Variants in TP73 observed in about 807,000 individuals in gnomAD.
TP73 encodes tumor protein p73, also known as p53-like transcription factor.
Under a neutral mutation model 62.5 loss-of-function variants are expected in TP73, and 25 were observed. The observed-to-expected ratio is 0.40, with a 90% CI of 0.29 to 0.56. The LOEUF is 0.56. TP73 is among the 20% of genes least tolerant of loss of function. The pLI, the probability that TP73 is intolerant of heterozygous loss-of-function variation, is 0.46. For synonymous variants in TP73, 423 were observed against 377.5 expected (o/e 1.12, Z -1.40); for missense variants, 754 against 913.3 (o/e 0.83, Z 2.25).
At position 3,711,846 on chromosome 1, in the gene TP73, A is replaced by ATGTGTGTGTGTG. The variant is rs3841787; in HGVS notation, c.429+4066_429+4077dup. ...CGTGTGTGTGTGCGCGAGCGTGTGTATGTGTGTGTGTGTGTGTGTGTGCGC... is the reference window on the plus strand; with the variant it reads ...CGTGTGTGTGTGCGCGAGCGTGTGTATGTGTGTGTGTGTGTGTGTGTGTGTGTGTGTGTGCGC... On this transcript the variant is annotated intron_variant, in intron 4 of 13. Transcript: ENST00000378295. 1.0e-3 allele frequency among the ~76,000 whole-genome samples: 156 copies of ATGTGTGTGTGTG among 150,216 alleles called. 1 individual carries two copies. The highest frequency in any genetic ancestry group is 3.5e-3 in the African/African-American group (145 of 40,848).
At chr1:3,698,455 G>T (rs376192602) in intron 3 of TP73, among the ~76,000 whole-genome samples, 9 of 152,194 alleles carry the variant, frequency 5.9e-5, no homozygotes, top group Admixed American at 5.9e-4. Context: ...GGGGCCTCCC[G>T]CAGACACTCA....
At position 3,727,776 on chromosome 1, in the gene TP73, C is replaced by T. The variant is rs752264996; in HGVS notation, c.985+6C>T. The T allele has an allele frequency of 2.4e-5, 37 of 1,528,502 alleles. 1 individual carries two copies. Among genetic ancestry groups the T allele is most frequent in the Admixed American group, 1.0e-4 (5 of 49,350 alleles). 94.7% of individuals were successfully genotyped at this position (1,528,502 alleles called of 1,614,324 possible). ...CGGGGCCGCCAGCAAGCGTGGTGAGCGGCCGGCCAGGGGAACTGGACGCGT... is the reference window on the plus strand; with the variant it reads ...CGGGGCCGCCAGCAAGCGTGGTGAGTGGCCGGCCAGGGGAACTGGACGCGT... On this transcript the variant is annotated splice_donor_region_variant and intron_variant, in intron 8 of 13. Transcript: ENST00000378295.
At chr1:3,705,430 C>T (rs561428759) in intron 3 of TP73, among the ~76,000 whole-genome samples, 1 of 152,230 alleles carries the variant, frequency 6.6e-6, no homozygotes, top group Non-Finnish European at 1.5e-5. Context: ...AGGGCCCGTG[C>T]TGCAGGGGGT....
intron 3 of TP73, among the ~76,000 whole-genome samples, chr1:3,685,041 G>A (rs573900145): frequency 6.6e-6 from 1 of 152,118 alleles, no homozygotes; most frequent in African/African-American, 2.4e-5. Flanking sequence ...GGAACTGGCC[G>A]CTGGACCCCA....
intron 1 of TP73, among the ~76,000 whole-genome samples, chr1:3,676,703 T>G (rs1645380527): frequency 6.6e-6 from 1 of 151,948 alleles, no homozygotes; most frequent in Non-Finnish European, 1.5e-5. Context: ...TCAGTAGCTT[T>G]GGGCCAGCCA....
At chr1:3,671,860 G>C (rs1645248305) in intron 1 of TP73, among the ~76,000 whole-genome samples, 2 of 152,188 alleles carry the variant, frequency 1.3e-5, no homozygotes, top group South Asian at 4.1e-4. Context: ...GGACCCCCGT[G>C]ATCGCTGCAC....
In TP73 at chr1:3,666,124, C is replaced by CAAAAAA. The variant is rs59432695; in HGVS notation, c.-34+13505_-34+13510dup. On this transcript the variant is annotated intron_variant, in intron 1 of 13. Transcript: ENST00000378295. This position sits in a 1 kb window ranked among gnomAD's most constrained non-coding sequence, Gnocchi z 6.4. ...GGGCAACAAGAGCAAAACTCTGTCTCAAAAAAAAAAAAAAAAAAAAAAAAA... is the reference window on the plus strand; with the variant it reads ...GGGCAACAAGAGCAAAACTCTGTCTCAAAAAAAAAAAAAAAAAAAAAAAAAAAAAAA... Among the ~76,000 whole-genome samples, 3 of 41,082 alleles carry CAAAAAA rather than the reference C, an allele frequency of 7.3e-5. No homozygotes were observed. Among genetic ancestry groups the CAAAAAA allele is most frequent in the Non-Finnish European group, 9.0e-5 (2 of 22,130 alleles). The allele number at this position is 41,082 out of a possible 152,430, so 27.0% of individuals were successfully genotyped here. A position where few individuals can be genotyped will look rare whatever the true frequency, so the allele number is the denominator to read the frequency against.
intron 1 of TP73, among the ~76,000 whole-genome samples, chr1:3,665,993 G>C (rs1275086506): frequency 6.6e-6 from 1 of 151,168 alleles, no homozygotes; most frequent in Non-Finnish European, 1.5e-5. Flanking sequence ...AAATTAGCTG[G>C]GTATAGTAAT....
intron 3 of TP73, among the ~76,000 whole-genome samples, chr1:3,688,319 G>A (rs548689716): frequency 3.9e-5 from 6 of 152,322 alleles, no homozygotes; most frequent in Non-Finnish European, 8.8e-5. Flanking sequence ...TCTTCCATGC[G>A]GTGGGATGAA....
At chr1:3,713,553 C>A (rs1640339583) in intron 4 of TP73, among the ~76,000 whole-genome samples, 1 of 152,196 alleles carries the variant, frequency 6.6e-6, no homozygotes, top group South Asian at 2.1e-4. Flanking sequence ...TGGGTTTCTG[C>A]CACCCCAGGC....
intron 3 of TP73, among the ~76,000 whole-genome samples, chr1:3,697,175 G>A (rs569768982): frequency 0.021 from 2,297 of 108,140 alleles, 72 homozygotes; most frequent in African/African-American, 0.067. Context: ...CGCGGCCCAC[G>A]TCGCACCCGC....
At chr1:3,695,942 G>C (rs1260715402) in intron 3 of TP73, among the ~76,000 whole-genome samples, 1 of 152,262 alleles carries the variant, frequency 6.6e-6, no homozygotes, top group African/African-American at 2.4e-5. Flanking sequence ...GGGTGGGGGA[G>C]ACCCCAAGTT....
At chr1:3,693,417 G>A (rs1638248880) in intron 3 of TP73, among the ~76,000 whole-genome samples, 1 of 152,118 alleles carries the variant, frequency 6.6e-6, no homozygotes, top group Non-Finnish European at 1.5e-5. Context: ...TGGGTTGCAG[G>A]ACACTGTCTG....
chr1:3,654,588 G>A (rs1210627100), intron 1 of TP73, among the ~76,000 whole-genome samples: 1 of 152,236 alleles, frequency 6.6e-6, no homozygotes, highest in African/African-American at 2.4e-5. Context: ...TCAGTGAGGT[G>A]CCGTCCGAAG....
chr1:3,721,885 G>A lies in TP73; in HGVS notation c.430-136G>A, dbSNP rs188465348. ...ACACCTGGAGGGATTCAGCAGAGGG[G>A]CTGCTTGGGGCAGTCTTCATCTGGG... On this transcript the variant is annotated intron_variant, in intron 4 of 13. Transcript: ENST00000378295. 2.4e-3 allele frequency: 2,083 copies of A among 884,264 alleles called. 30 individuals are homozygous for A. The highest frequency in any genetic ancestry group is 1.2e-3 in the South Asian group (66 of 54,692). The allele number at this position is 884,264 out of a possible 1,614,324, so 54.8% of individuals were successfully genotyped here. A position where few individuals can be genotyped will look rare whatever the true frequency, so the allele number is the denominator to read the frequency against.
chr1:3,658,169 G>A (rs1009298710), intron 1 of TP73, among the ~76,000 whole-genome samples: 5 of 152,226 alleles, frequency 3.3e-5, no homozygotes, highest in Non-Finnish European at 7.3e-5. Context: ...AGCAGGGACC[G>A]TGGAGGGGAC....
At chr1:3,654,044 G>A (rs1644814352) in intron 1 of TP73, among the ~76,000 whole-genome samples, 1 of 152,112 alleles carries the variant, frequency 6.6e-6, no homozygotes, top group African/African-American at 2.4e-5. Context: ...CATGGTGGCA[G>A]GCACCTGTAC....
At chr1:3,690,596 G>A (rs12121865) in intron 3 of TP73, 73,615 of 1,256,496 alleles carry the variant, frequency 0.059, 2,437 homozygotes, top group Non-Finnish European at 0.067. Flanking sequence ...ACACATCACC[G>A]GGCAAGCTGA....
chr1:3,708,899 C>T (rs1467118989), intron 4 of TP73, among the ~76,000 whole-genome samples: 2 of 152,224 alleles, frequency 1.3e-5, no homozygotes, highest in Admixed American at 6.5e-5. Context: ...CCGGGCACAG[C>T]TCAGTGCTGG....
Sources: allele counts gnomAD v4.1 joint callset (sites outside exome capture counted in the v4.1 genomes callset), GRCh38; gene constraint gnomAD v4.1.1; non-coding constraint Gnocchi (gnomAD v3.1); transcripts MANE v1.5; gene names NCBI Gene and HGNC (gene_info 2026-07-23, HGNC 2026-07-21).